Variants in LIPJ observed in about 807,000 individuals in gnomAD.
LIPJ encodes the protein lipase member J.
In LIPJ, 33 loss-of-function variants were observed where a neutral mutation model predicts 39.8. That is an observed-to-expected ratio of 0.83 (90% CI 0.63 to 1.11). LIPJ has a LOEUF of 1.11. Ranked by LOEUF, LIPJ falls within the 50% of genes least tolerant of loss-of-function variation. The pLI, the probability that LIPJ is intolerant of heterozygous loss-of-function variation, is 0.00. For synonymous variants in LIPJ, 128 were observed against 139.2 expected (o/e 0.92, Z 0.57); for missense variants, 422 against 427.9 (o/e 0.99, Z 0.12).
At chr10:88,618,779 G>A in the LIPJ span, 1 of 177,924 alleles carries the variant, frequency 5.6e-6, no homozygotes, top group Non-Finnish European at 1.3e-5. Context: ...TTGTGATAGT[G>A]CTTAGCTTTT....
At chr10:88,585,063 G>T (rs551997982), upstream of LIPJ, among the ~76,000 whole-genome samples, 17 of 152,300 alleles carry the variant, frequency 1.1e-4, no homozygotes, top group South Asian at 1.2e-3. Context: ...GAAATTAAAA[G>T]CTTAATGTGA....
chr10:88,619,500 T>G, the LIPJ span, among the ~76,000 whole-genome samples: 1 of 134,136 alleles, frequency 7.5e-6, no homozygotes, highest in East Asian at 2.5e-4. Context: ...GCTGGCAAGC[T>G]TTGATCCCTA....
chr10:88,598,536 G>A (rs538013398), intron 8 of LIPJ, among the ~76,000 whole-genome samples: 1 of 152,132 alleles, frequency 6.6e-6, no homozygotes, highest in Admixed American at 6.6e-5. Context: ...AGATATCTGA[G>A]TGCAGCTGTC....
intron 8 of LIPJ, among the ~76,000 whole-genome samples, chr10:88,597,969 G>T (rs1430183390): frequency 6.6e-5 from 10 of 151,764 alleles, no homozygotes; most frequent in Admixed American, 6.6e-4. Flanking sequence ...TCTTTTTTGT[G>T]TATAAATTAT....
At chr10:88,587,102 A>C (rs1406479669) in intron 1 of LIPJ, 164 bp from the exon 2 acceptor site, 1 of 152,048 alleles carries the variant, frequency 6.6e-6, no homozygotes, top group Non-Finnish European at 1.5e-5. Context: ...TTTAATGGAC[A>C]CTAGCGGGAA....
exon 5 of LIPJ, chr10:88,594,107 T>C (rs1439284679): frequency 6.2e-7 from 1 of 1,611,564 alleles, no homozygotes; most frequent in Non-Finnish European, 8.5e-7. Context: ...GAAACACTTG[T>C]ACCTAGAAAC....
intron 9 of LIPJ, 51 bp downstream of exon 9, chr10:88,602,698 G>T: frequency 8.7e-7 from 1 of 1,154,572 alleles, no homozygotes; most frequent in Non-Finnish European, 1.3e-6. Context: ...GCTACTCATG[G>T]TTTACCTCAT....
chr10:88,586,044 T>TA (rs1369034542), upstream of LIPJ, among the ~76,000 whole-genome samples: 12 of 152,218 alleles, frequency 7.9e-5, no homozygotes, highest in Admixed American at 7.9e-4. Flanking sequence ...AACCTTTACT[T>TA]ACGCTGTTCT....
upstream of LIPJ, among the ~76,000 whole-genome samples, chr10:88,586,148 C>T (rs769767884): frequency 6.6e-6 from 1 of 152,160 alleles, no homozygotes. Context: ...ATCATACGCT[C>T]TTTCAAAAAC....
upstream of LIPJ, among the ~76,000 whole-genome samples, chr10:88,584,885 A>T (rs1246000558): frequency 2.0e-5 from 3 of 152,218 alleles, no homozygotes; most frequent in Non-Finnish European, 4.4e-5. Flanking sequence ...ACACAATGGT[A>T]TATTACTGAT....
intron 2 of LIPJ, among the ~76,000 whole-genome samples, chr10:88,588,195 C>T (rs553719769): frequency 1.9e-4 from 29 of 151,800 alleles, no homozygotes; most frequent in African/African-American, 5.1e-4. Flanking sequence ...ATATTTGCAT[C>T]TACTATGACA....
chr10:88,596,199 C>G, intron 6 of LIPJ, 81 bp from the exon 7 acceptor site: 1 of 942,366 alleles, frequency 1.1e-6, no homozygotes, highest in Non-Finnish European at 1.4e-6. Flanking sequence ...TGAACTTACT[C>G]TTATTCTCCT....
At chr10:88,591,670 C>G (rs905760956) in intron 4 of LIPJ, 172 bp downstream of exon 4, 18 of 442,068 alleles carry the variant, frequency 4.1e-5, no homozygotes, top group Non-Finnish European at 5.8e-5. Context: ...GATACACCGG[C>G]CTTCTGGTCA....
At position 88,590,360 on chromosome 10, in the gene LIPJ, A is replaced by T. The variant is rs76360302; in HGVS notation, c.-103-225A>T. 2.1e-4 allele frequency among the ~76,000 whole-genome samples: 32 copies of T among 151,942 alleles called. No homozygotes were observed. The East Asian group carries it at 3.5e-3, about 16-fold the overall frequency. On this transcript the variant is annotated intron_variant, in intron 2 of 10. Transcript: ENST00000371939. ...AGGGAATTTATCTACAAAATAGGGTAGCCAGAAAAGCATGGACTTTGAAAT... is the reference window on the plus strand; with the variant it reads ...AGGGAATTTATCTACAAAATAGGGTTGCCAGAAAAGCATGGACTTTGAAAT...
At chr10:88,616,097 T>G in the LIPJ span, among the ~76,000 whole-genome samples, 1 of 152,148 alleles carries the variant, frequency 6.6e-6, no homozygotes, top group Non-Finnish European at 1.5e-5. Context: ...TACATAAGTT[T>G]TGGTGTGTTC....
Position 88,591,361 on chromosome 10 carries a change from G to T in LIPJ, c.10-17G>T, listed in dbSNP as rs777438607. The stretch of plus-strand genomic sequence containing the variant: ...ATAACAATTTTATGCTAAAAGATTT[G>T]CTTTTTCTTTATCTAGAGCCAGATT... On this transcript the variant is annotated splice_polypyrimidine_tract_variant and intron_variant, in intron 3 of 10. Transcript: ENST00000371939. The T allele has an allele frequency of 5.1e-6, 8 of 1,570,638 alleles. No homozygotes were observed. The highest frequency in any genetic ancestry group is 1.4e-5 in the African/African-American group (1 of 72,518).
In LIPJ at chr10:88,598,973, T is replaced by TTATAATAATATAATATATTATATTA. The variant is rs550026214; in HGVS notation, c.723+2040_723+2041insAATAATATAATATATTATATTATAT. Reference sequence around the variant, plus strand: ...GTATTTAATAATATAATATATTATATTATTACAATAATATAAAATATTATA... The same window carrying TTATAATAATATAATATATTATATTA: ...GTATTTAATAATATAATATATTATATTATAATAATATAATATATTATATTATATTACAATAATATAAAATATTATA... On this transcript the variant is annotated intron_variant, in intron 8 of 10. Transcript: ENST00000371939. 2.8e-5 allele frequency among the ~76,000 whole-genome samples: 4 copies of TTATAATAATATAATATATTATATTA among 144,610 alleles called. 1 individual carries two copies. The highest frequency in any genetic ancestry group is 1.0e-4 in the African/African-American group (4 of 39,202). 94.9% of individuals were successfully genotyped at this position (144,610 alleles called of 152,430 possible). A position where few individuals can be genotyped will look rare whatever the true frequency, so the allele number is the denominator to read the frequency against.
At chr10:88,601,013 A>G (rs906572508) in intron 8 of LIPJ, among the ~76,000 whole-genome samples, 20 of 151,928 alleles carry the variant, frequency 1.3e-4, no homozygotes, top group Admixed American at 1.3e-3. Context: ...CAGTGGTGCA[A>G]TCTTGGCTCA....
chr10:88,598,463 T>TA, intron 8 of LIPJ, among the ~76,000 whole-genome samples: 1 of 152,168 alleles, frequency 6.6e-6, no homozygotes, highest in African/African-American at 2.4e-5. Context: ...GTCCAGGTGT[T>TA]ACAATTTTTT....
Sources: allele counts gnomAD v4.1 joint callset (sites outside exome capture counted in the v4.1 genomes callset), GRCh38; gene constraint gnomAD v4.1.1; transcripts MANE v1.5; gene names NCBI Gene and HGNC (gene_info 2026-07-23, HGNC 2026-07-21).